The following KRT39 variants were observed in gnomAD, a reference collection of about 807,000 sequenced individuals.
KRT39 encodes the protein keratin 39.
KRT39 carries 47 observed loss-of-function variants against 54.8 expected under a neutral mutation model. That is an observed-to-expected ratio of 0.86 (90% CI 0.68 to 1.09). KRT39 has a LOEUF of 1.09. Ranked by LOEUF, KRT39 falls within the 50% of genes least tolerant of loss-of-function variation. KRT39 has a pLI of 0.00. For synonymous variants in KRT39, 207 were observed against 227.9 expected (o/e 0.91, Z 0.83); for missense variants, 580 against 598.5 (o/e 0.97, Z 0.32).
chr17:40,960,634 C>T (rs1911116556), intron 5 of KRT39, 133 bp from the exon 6 acceptor site: 1 of 669,582 alleles, frequency 1.5e-6, no homozygotes, highest in African/African-American at 1.8e-5. Context: ...TTTATTGTTT[C>T]CTAATCAAAT....
At chr17:40,962,651 T>A in intron 3 of KRT39, 88 bp from the exon 4 acceptor site, 2 of 1,103,090 alleles carry the variant, frequency 1.8e-6, no homozygotes, top group Non-Finnish European at 2.7e-6. Flanking sequence ...CGATTTAGCT[T>A]AATTGTGTCT....
At chr17:40,964,296 T>C in intron 2 of KRT39, 150 bp downstream of exon 2, 1 of 692,894 alleles carries the variant, frequency 1.4e-6, no homozygotes, top group Non-Finnish European at 2.6e-6. Flanking sequence ...TTAATCTTAA[T>C]CATTCATTGA....
chr17:40,965,256 G>C (rs910421635), intron 1 of KRT39, among the ~76,000 whole-genome samples: 1 of 151,234 alleles, frequency 6.6e-6, no homozygotes, highest in Non-Finnish European at 1.5e-5. Context: ...CGTGCCTGTA[G>C]ACCCAGCTAC....
chr17:40,962,594 T>A (rs749048284), intron 3 of KRT39, 31 bp from the exon 4 acceptor site: 1 of 1,596,518 alleles, frequency 6.3e-7, no homozygotes, highest in South Asian at 1.1e-5. Flanking sequence ...TGAAGTCACT[T>A]GGTGAACAGA....
Position 40,958,857 on chromosome 17 carries a change from C to A in KRT39, c.1220G>T (p.Arg407Leu), listed in dbSNP as rs368640955. Reference protein sequence around the residue: ...RSLLESSDGKRPCYPRATKCE... With the variant: ...RSLLESSDGKLPCYPRATKCE... The stretch of plus-strand genomic sequence containing the variant: ...TTTGGTGGCACGTGGGTAACAGGGA[C>A]GCCTAAGGAAAAAAAACACAATTTT... The change falls in exon 7 of 7, where the codon CGT (arginine) becomes CTT (leucine). Residue 407 changes from arginine (R) to leucine (L), a missense_variant and splice_region_variant. Arg to Leu is a moderately radical substitution (Grantham distance 102). Coordinates refer to ENST00000355612, the MANE Select transcript of KRT39 (RefSeq NM_213656.4). 6.4e-7 allele frequency: 1 copy of A among 1,566,460 alleles called. No individual in the cohort carries two copies. The highest frequency in any genetic ancestry group is 2.0e-5 in the Admixed American group (1 of 51,026).
chr17:40,962,375 T>A, intron 4 of KRT39, 27 bp downstream of exon 4: 1 of 1,612,962 alleles, frequency 6.2e-7, no homozygotes, highest in Non-Finnish European at 8.5e-7. Flanking sequence ...ATCAGCTTAT[T>A]GTTTTTGACT....
chr17:40,964,446 T>C lies in KRT39; in HGVS notation c.551A>G (p.Lys184Arg). ...TKLTADDLRA[K>R]YEAEVSLRQL... ...TGATGACGGTGTTGGGTGGGCTTACTTGGCTCTCAAGTCATCTGCAGTCAG... is the reference window on the plus strand; with the variant it reads ...TGATGACGGTGTTGGGTGGGCTTACCTGGCTCTCAAGTCATCTGCAGTCAG... The change falls in exon 2 of 7, where the codon AAA (lysine) becomes AGA (arginine). Residue 184 changes from lysine (K) to arginine (R), a missense_variant and splice_region_variant. Coordinates refer to ENST00000355612, the MANE Select transcript of KRT39 (RefSeq NM_213656.4). The C allele has an allele frequency of 6.2e-7, 1 of 1,614,090 alleles. No individual in the cohort carries two copies. The highest frequency in any genetic ancestry group is 8.5e-7 in the Non-Finnish European group (1 of 1,179,926).
intron 6 of KRT39, 105 bp downstream of exon 6, chr17:40,960,176 G>A: frequency 1.1e-6 from 1 of 947,372 alleles, no homozygotes; most frequent in Admixed American, 1.9e-5. Flanking sequence ...CCCATCACTG[G>A]CAAGAAGGTC....
At position 40,966,616 on chromosome 17, in the gene KRT39, A is replaced by G. The variant is rs1158435048; in HGVS notation, c.241T>C (p.Ser81Pro). Reference protein sequence around the residue: ...YLMNNFNARFSLDDCSWYGEG... With the variant: ...YLMNNFNARFPLDDCSWYGEG... The stretch of plus-strand genomic sequence containing the variant: ...CCATACCAGCTGCAGTCATCCAGAG[A>G]AAAACGGGCATTGAAGTTGTTCATT... The change falls in exon 1 of 7, where the codon TCT becomes CCT. Residue 81 changes from serine to proline, a missense_variant. Coordinates refer to ENST00000355612, the MANE Select transcript of KRT39 (RefSeq NM_213656.4). The G allele has an allele frequency of 1.2e-6, 2 of 1,614,054 alleles. No homozygotes were observed. Among genetic ancestry groups the G allele is most frequent in the East Asian group, 2.2e-5 (1 of 44,896 alleles).
chr17:40,959,983 AT>A (rs991344161), intron 6 of KRT39, among the ~76,000 whole-genome samples: 1 of 152,096 alleles, frequency 6.6e-6, no homozygotes, highest in African/African-American at 2.4e-5. Context: ...TGGGGAAATA[AT>A]TTTTTCTCTA....
intron 6 of KRT39, 142 bp from the exon 7 acceptor site, chr17:40,959,001 C>T: frequency 1.4e-6 from 1 of 722,454 alleles, no homozygotes; most frequent in East Asian, 2.6e-5. Context: ...TTATTTTGTA[C>T]TGTAGTTACT....
chr17:40,965,890 T>C (rs1298580694), intron 1 of KRT39, among the ~76,000 whole-genome samples: 1 of 152,076 alleles, frequency 6.6e-6, no homozygotes, highest in Admixed American at 6.5e-5. Flanking sequence ...CTTCTTTTTG[T>C]TTCTGATTTT....
rs757020764 is a variant in KRT39, at chr17:40,960,233, C to T, written c.1217+48G>A. 1.8e-5 allele frequency: 27 copies of T among 1,532,006 alleles called. No individual in the cohort carries two copies. The East Asian group carries it at 2.5e-4, about 14-fold the overall frequency. The allele number at this position is 1,532,006 out of a possible 1,614,324, so 94.9% of individuals were successfully genotyped here. ...TTGCCAGTGGCAGTACATATATCTG[C>T]GTTCATTTACACTTTTTTGTCATAG... On this transcript the variant is annotated intron_variant, in intron 6 of 6. Transcript: ENST00000355612.
In KRT39 at chr17:40,958,902, C is replaced by T. The variant is rs145065066; in HGVS notation, c.1218-43G>A. ...AATTTTAGCTGTGATTGAGGGAAGG[C>T]GATGATGGTCATGGAGAAAAATGAT... On this transcript the variant is annotated intron_variant, in intron 6 of 6. Coordinates refer to ENST00000355612, the MANE Select transcript of KRT39 (RefSeq NM_213656.4). The T allele has an allele frequency of 1.3e-5, 20 of 1,520,652 alleles. No homozygotes were observed. The East Asian group carries it at 1.6e-4, about 12-fold the overall frequency. 94.2% of individuals were successfully genotyped at this position (1,520,652 alleles called of 1,614,324 possible). A position where few individuals can be genotyped will look rare whatever the true frequency, so the allele number is the denominator to read the frequency against.
Position 40,960,627 on chromosome 17 carries a change from A to G in KRT39, c.997-126T>C, listed in dbSNP as rs1285968834. On this transcript the variant is annotated intron_variant, in intron 5 of 6. Coordinates refer to ENST00000355612, the MANE Select transcript of KRT39 (RefSeq NM_213656.4). ...TGATAGATCTCCAAGCACTTTATTT[A>G]TTGTTTCCTAATCAAATAAATCCAA... 1.0e-5 allele frequency: 7 copies of G among 684,240 alleles called. No individual in the cohort carries two copies. In the South Asian group the frequency reaches 1.2e-4, roughly 12 times the overall value. 42.4% of individuals were successfully genotyped at this position (684,240 alleles called of 1,614,324 possible). A position where few individuals can be genotyped will look rare whatever the true frequency, so the allele number is the denominator to read the frequency against.
At chr17:40,962,684 A>C in intron 3 of KRT39, 121 bp from the exon 4 acceptor site, 1 of 785,318 alleles carries the variant, frequency 1.3e-6, no homozygotes, top group Non-Finnish European at 2.1e-6. Flanking sequence ...ACAACAAAGG[A>C]ATACATGATT....
At chr17:40,963,824 G>C (rs757167267) in intron 2 of KRT39, 41 bp from the exon 3 acceptor site, 1 of 1,522,414 alleles carries the variant, frequency 6.6e-7, no homozygotes, top group Non-Finnish European at 9.0e-7. Flanking sequence ...TCTGAAAGGA[G>C]ATGATGCAAA....
intron 1 of KRT39, among the ~76,000 whole-genome samples, chr17:40,965,994 C>T (rs1026601208): frequency 7.2e-5 from 11 of 152,072 alleles, no homozygotes; most frequent in African/African-American, 2.2e-4. Context: ...GTGATCCTCC[C>T]ACCTCAGCCT....
chr17:40,966,285 A>C (rs1284850677), intron 1 of KRT39, 104 bp downstream of exon 1: 8 of 912,136 alleles, frequency 8.8e-6, no homozygotes, highest in Non-Finnish European at 1.2e-5. Flanking sequence ...CTTCAAAAAA[A>C]TTTTCAGCAT....
Sources: gnomAD v4.1 joint callset for allele counts (sites outside exome capture counted in the v4.1 genomes callset) on GRCh38, gnomAD v4.1.1 for gene constraint, MANE v1.5 for transcripts, NCBI Gene and HGNC (gene_info 2026-07-23, HGNC 2026-07-21) for gene names.